The following MTMR10 variants were observed in gnomAD, a reference collection of about 807,000 sequenced individuals.
MTMR10 encodes myotubularin related protein 10.
Under a neutral mutation model 88.1 loss-of-function variants are expected in MTMR10, and 56 were observed. The observed-to-expected ratio is 0.64, with a 90% CI of 0.51 to 0.79. MTMR10 has a LOEUF of 0.79. Ranked by LOEUF, MTMR10 falls within the 30% of genes least tolerant of loss-of-function variation. The pLI is 0.00. For synonymous variants in MTMR10, 380 were observed against 340.9 expected (o/e 1.11, Z -1.26); for missense variants, 883 against 924.7 (o/e 0.95, Z 0.58).
chr15:30,969,264 GA>G (rs201259930), intron 5 of MTMR10, among the ~76,000 whole-genome samples: 6 of 147,936 alleles, frequency 4.1e-5, no homozygotes, highest in Admixed American at 1.3e-4. Flanking sequence ...TGACCAAAAA[GA>G]AAAAAAAAAC....
the MTMR10 span, chr15:30,925,731 G>C: frequency 6.3e-7 from 1 of 1,597,354 alleles, no homozygotes; most frequent in South Asian, 1.1e-5. Flanking sequence ...CTACAGGCAG[G>C]TTTTCAGGGA....
intron 10 of MTMR10, among the ~76,000 whole-genome samples, chr15:30,954,288 A>G (rs1468439126): frequency 6.6e-6 from 1 of 152,126 alleles, no homozygotes; most frequent in Non-Finnish European, 1.5e-5. Context: ...CCCACATTAC[A>G]CCAAAGATGC....
At chr15:30,933,647 T>C in the MTMR10 span, among the ~76,000 whole-genome samples, 2 of 152,248 alleles carry the variant, frequency 1.3e-5, no homozygotes, top group African/African-American at 4.8e-5. Flanking sequence ...AGTTGGTTGA[T>C]AGTGTTGTTT....
chr15:30,959,164 C>T, intron 7 of MTMR10, 43 bp from the exon 8 acceptor site: 2 of 1,490,142 alleles, frequency 1.3e-6, no homozygotes, highest in Non-Finnish European at 1.8e-6. Flanking sequence ...GTGCTAAAAG[C>T]AGGAATAGTG....
Position 30,941,182 on chromosome 15 carries a change from T to C in MTMR10, c.*288A>G, listed in dbSNP as rs941261420. The C allele has an allele frequency of 7.5e-7, 1 of 1,335,880 alleles. No homozygotes were observed. Among genetic ancestry groups the C allele is most frequent in the Non-Finnish European group, 9.8e-7 (1 of 1,020,186 alleles). 82.8% of individuals were successfully genotyped at this position (1,335,880 alleles called of 1,614,324 possible). A position where few individuals can be genotyped will look rare whatever the true frequency, so the allele number is the denominator to read the frequency against. On this transcript the variant is annotated 3_prime_UTR_variant, in exon 16 of 16. Transcript: ENST00000435680. The stretch of plus-strand genomic sequence containing the variant: ...CTATCAGATAGCCTTCAGGAGGTGG[T>C]AGGAAAAATGGATGGAGACAAAAAT...
intron 13 of MTMR10, 55 bp from the exon 14 acceptor site, chr15:30,947,355 C>G: frequency 6.5e-7 from 1 of 1,548,796 alleles, no homozygotes. Flanking sequence ...CAGCCGTTCA[C>G]ATTTACTTCA....
At chr15:30,991,040 C>T (rs1048331145) in intron 1 of MTMR10, among the ~76,000 whole-genome samples, 3 of 152,154 alleles carry the variant, frequency 2.0e-5, no homozygotes, top group Admixed American at 6.5e-5. Flanking sequence ...GTTTAAACTG[C>T]CAGTGTCGCT....
rs1379779263 is a variant in MTMR10 at position 30,956,372 on chromosome 15, T to C, written c.936-1479A>G. 3.9e-5 allele frequency: 6 copies of C among 152,062 alleles called. No individual in the cohort carries two copies. In the East Asian group the frequency reaches 1.2e-3, roughly 29 times the overall value. 9.4% of individuals were successfully genotyped at this position (152,062 alleles called of 1,614,324 possible). On this transcript the variant is annotated intron_variant, in intron 9 of 15. Transcript: ENST00000435680. ...GCAAGTGGGGGGTTGACATTCTTCG[T>C]GGGGTGGGGTAGATGATAAGATAAA... is the stretch of plus-strand genomic sequence containing the variant.
intron 11 of MTMR10, among the ~76,000 whole-genome samples, chr15:30,953,073 A>G (rs1179549327): frequency 6.6e-6 from 1 of 151,766 alleles, no homozygotes; most frequent in African/African-American, 2.4e-5. Context: ...TACAGGCATG[A>G]GCCACCACGC....
At chr15:30,937,907 C>T (rs1355990178), downstream of MTMR10, among the ~76,000 whole-genome samples, 2 of 151,858 alleles carry the variant, frequency 1.3e-5, no homozygotes, top group Non-Finnish European at 2.9e-5. Flanking sequence ...AGTGGCTGGG[C>T]ACAGTGGCTC....
the MTMR10 span, among the ~76,000 whole-genome samples, chr15:30,926,286 T>TC: frequency 6.6e-6 from 1 of 152,282 alleles, no homozygotes; most frequent in South Asian, 2.1e-4. Context: ...TCCTGCCCCT[T>TC]CCCTGGGATT....
chr15:30,934,580 C>T (rs1045169932), downstream of MTMR10, among the ~76,000 whole-genome samples: 1 of 152,116 alleles, frequency 6.6e-6, no homozygotes, highest in African/African-American at 2.4e-5. Flanking sequence ...GGGGTTCCAC[C>T]ATGTTGCCCA....
At chr15:30,991,312 G>A (rs1248844286) in intron 1 of MTMR10, 135 bp downstream of exon 1, 5 of 919,408 alleles carry the variant, frequency 5.4e-6, no homozygotes, top group South Asian at 2.5e-5. Context: ...GCGGCGCCGG[G>A]AATCAGGCAG....
downstream of MTMR10, among the ~76,000 whole-genome samples, chr15:30,934,211 T>C (rs1010958951): frequency 5.9e-5 from 9 of 152,200 alleles, no homozygotes; most frequent in Admixed American, 4.6e-4. Context: ...TGAAATCAAC[T>C]TTGTCCGATA....
downstream of MTMR10, among the ~76,000 whole-genome samples, chr15:30,935,534 TTATAAG>T (rs1487821860): frequency 1.3e-5 from 2 of 152,106 alleles, no homozygotes; most frequent in East Asian, 3.9e-4. Context: ...ATATTAGGTA[TTATAAG>T]TAGAGATGAT....
At chr15:30,990,741 GC>G in intron 2 of MTMR10, 35 bp downstream of exon 2, 1 of 1,560,976 alleles carries the variant, frequency 6.4e-7, no homozygotes, top group South Asian at 1.2e-5. Context: ...AAAATACGTT[GC>G]TAAAGTATCT....
chr15:30,919,361 C>G, the MTMR10 span, among the ~76,000 whole-genome samples: 1 of 115,254 alleles, frequency 8.7e-6, no homozygotes, highest in Non-Finnish European at 1.7e-5. Context: ...GCCTGGGCCA[C>G]GAGCAAAACT....
chr15:30,940,924 A>G lies in MTMR10; in HGVS notation c.*546T>C. The G allele has an allele frequency of 9.5e-7, 1 of 1,051,948 alleles. No individual in the cohort carries two copies. Among genetic ancestry groups the G allele is most frequent in the Admixed American group, 5.1e-5 (1 of 19,596 alleles). 65.2% of individuals were successfully genotyped at this position (1,051,948 alleles called of 1,614,324 possible). A position where few individuals can be genotyped will look rare whatever the true frequency, so the allele number is the denominator to read the frequency against. ...TTAAAAGCAAACTCATGATTTCAAA[A>G]CACAGTGATCTAAGGTTCCAAAGAA... On this transcript the variant is annotated 3_prime_UTR_variant, in exon 16 of 16. Transcript: ENST00000435680.
chr15:30,958,807 T>G, intron 9 of MTMR10, 56 bp downstream of exon 9: 1 of 1,553,034 alleles, frequency 6.4e-7, no homozygotes, highest in Non-Finnish European at 8.9e-7. Flanking sequence ...GGGAACTCAC[T>G]GTAGTTACAC....
Sources: allele counts gnomAD v4.1 joint callset (sites outside exome capture counted in the v4.1 genomes callset), GRCh38; gene constraint gnomAD v4.1.1; transcripts MANE v1.5; gene names NCBI Gene and HGNC (gene_info 2026-07-23, HGNC 2026-07-21).